The following TOMM20L variants were observed in gnomAD, a reference collection of about 807,000 sequenced individuals.
TOMM20L encodes TOMM20-like protein 1.
Under a neutral mutation model 20.4 loss-of-function variants are expected in TOMM20L, and 19 were observed. The ratio of observed to expected loss-of-function variants is 0.93; its 90% CI spans 0.65 to 1.36. The LOEUF (loss-of-function observed/expected upper bound fraction) is 1.36. Ranked by LOEUF, TOMM20L falls within the 40% of genes most tolerant of loss-of-function variation. TOMM20L has a pLI of 0.00. For synonymous variants in TOMM20L, 75 were observed against 79.6 expected (o/e 0.94, Z 0.30); for missense variants, 218 against 203.7 (o/e 1.07, Z -0.43).
At chr14:58,404,117 A>ATTTTT (rs1198718876) in intron 3 of TOMM20L, among the ~76,000 whole-genome samples, 6 of 13,456 alleles carry the variant, frequency 4.5e-4, no homozygotes, top group African/African-American at 6.4e-4. Context: ...ATATATATAT[A>ATTTTT]TATTTTTTTT....
At chr14:58,407,832 C>T (rs1223801776) in intron 4 of TOMM20L, among the ~76,000 whole-genome samples, 1 of 152,146 alleles carries the variant, frequency 6.6e-6, no homozygotes, top group South Asian at 2.1e-4. Context: ...CATTCATAAG[C>T]CAGTTGATTA....
intron 3 of TOMM20L, among the ~76,000 whole-genome samples, chr14:58,406,947 CTA>C (rs2036067634): frequency 6.6e-6 from 1 of 152,058 alleles, no homozygotes; most frequent in Admixed American, 6.6e-5. Flanking sequence ...GATGTTTCAT[CTA>C]TAATATTTTT....
rs776431882 is a variant in TOMM20L, at chr14:58,407,396, GAA to G, written c.335_336del (p.Lys112SerfsTer12). On this transcript the variant is annotated frameshift_variant, in exon 4 of 5. Coordinates refer to ENST00000360945, the MANE Select transcript of TOMM20L (RefSeq NM_207377.3). LOFTEE classifies it high-confidence loss of function. The part of the protein sequence containing the change: ...LVCEQPRELL[K>X]VFKHTLPPKV... Reference sequence around the variant, plus strand: ...TGTGCGAGCAACCACGGGAACTTCTGAAAGTTTTCAAACACACTCTCCCTCCC... The same window carrying G: ...TGTGCGAGCAACCACGGGAACTTCTGAGTTTTCAAACACACTCTCCCTCCC... 41 of 1,613,794 alleles carry G rather than the reference GAA, an allele frequency of 2.5e-5. No individual in the cohort carries two copies. Among genetic ancestry groups the G allele is most frequent in the Non-Finnish European group, 3.5e-5 (41 of 1,179,942 alleles).
chr14:58,395,966 C>G lies in TOMM20L; in HGVS notation c.9C>G (p.Ser3=), dbSNP rs377328136. ...GGGACGCCCGCGGTCGGATGCCCTC[C>G]GTCCGCTCCCTCCTCCGCCTCTTGG... The part of the protein sequence containing the change: MP[S]VRSLLRLLAA... The change falls in exon 1 of 5, where the codon TCC becomes TCG. Residue 3 remains serine (S), a synonymous_variant. Coordinates refer to ENST00000360945, the MANE Select transcript of TOMM20L (RefSeq NM_207377.3). 6.9e-7 allele frequency: 1 copy of G among 1,441,710 alleles called. No homozygotes were observed. Among genetic ancestry groups the G allele is most frequent in the East Asian group, 2.9e-5 (1 of 35,006 alleles). The allele number at this position is 1,441,710 out of a possible 1,614,324, so 89.3% of individuals were successfully genotyped here.
chr14:58,397,766 T>G (rs946258945), intron 2 of TOMM20L, among the ~76,000 whole-genome samples: 39 of 152,200 alleles, frequency 2.6e-4, no homozygotes, highest in East Asian at 3.9e-4. Flanking sequence ...GGAACTGAGA[T>G]TCAATGGAGG....
At chr14:58,401,309 C>T (rs4901855) in intron 2 of TOMM20L, among the ~76,000 whole-genome samples, 148,745 of 152,244 alleles carry the variant, frequency 0.98, 72,755 homozygotes, top group Non-Finnish European at 1. Flanking sequence ...TGGTGGCTCA[C>T]GCCTGTAATC....
downstream of TOMM20L, chr14:58,410,842 C>T (rs1219686250): frequency 6.2e-7 from 1 of 1,602,844 alleles, no homozygotes; most frequent in African/African-American, 1.3e-5. Flanking sequence ...ACTTTTCATA[C>T]CTCTTCAGGT....
intron 1 of TOMM20L, 66 bp downstream of exon 1, chr14:58,396,159 GC>G: frequency 7.6e-7 from 1 of 1,310,006 alleles, no homozygotes; most frequent in South Asian, 2.4e-5. Flanking sequence ...GGCCGGGAGG[GC>G]CCCCCACTGA....
the TOMM20L span, among the ~76,000 whole-genome samples, chr14:58,414,005 T>C: frequency 9.2e-4 from 1 of 1,084 alleles, no homozygotes; most frequent in Admixed American, 0.033. Flanking sequence ...AGATTCCGTC[T>C]CAGAAAAAAA....
chr14:58,407,766 T>TA (rs2036084310), intron 4 of TOMM20L, among the ~76,000 whole-genome samples: 1 of 152,218 alleles, frequency 6.6e-6, no homozygotes, highest in African/African-American at 2.4e-5. Context: ...AATTTAAACA[T>TA]ACAGGCTAAT....
At chr14:58,409,089 A>G (rs746625603), downstream of TOMM20L, 2 of 1,614,054 alleles carry the variant, frequency 1.2e-6, no homozygotes, top group South Asian at 1.1e-5. Flanking sequence ...ATTCTGCTGA[A>G]TATGATATTC....
At chr14:58,400,746 C>T (rs1041978656) in intron 2 of TOMM20L, among the ~76,000 whole-genome samples, 1 of 151,918 alleles carries the variant, frequency 6.6e-6, no homozygotes, top group Admixed American at 6.6e-5. Flanking sequence ...GGCATAGTGG[C>T]GTGCACCTGT....
chr14:58,407,571 T>G, intron 4 of TOMM20L, 103 bp downstream of exon 4: 1 of 1,298,540 alleles, frequency 7.7e-7, no homozygotes, highest in Non-Finnish European at 1.0e-6. Context: ...TTGCCCAAAA[T>G]CTTAAATAAG....
intron 2 of TOMM20L, among the ~76,000 whole-genome samples, chr14:58,401,905 C>A (rs2140301961): frequency 6.6e-6 from 1 of 152,260 alleles, no homozygotes; most frequent in East Asian, 1.9e-4. Flanking sequence ...GAAGGCTTAG[C>A]ATAGTTTTTT....
At chr14:58,402,817 T>A in intron 3 of TOMM20L, 56 bp downstream of exon 3, 1 of 1,289,970 alleles carries the variant, frequency 7.8e-7, no homozygotes, top group Non-Finnish European at 1.1e-6. Flanking sequence ...GAGAAATATT[T>A]ATTGATTAGT....
At chr14:58,416,120 C>T in the TOMM20L span, among the ~76,000 whole-genome samples, 1 of 151,488 alleles carries the variant, frequency 6.6e-6, no homozygotes, top group African/African-American at 2.4e-5. Flanking sequence ...CCCAGCTACT[C>T]AGGTGGCTGA....
downstream of TOMM20L, chr14:58,410,965 G>A (rs1335509125): frequency 6.5e-7 from 1 of 1,537,672 alleles, no homozygotes; most frequent in Non-Finnish European, 8.8e-7. Flanking sequence ...ATGTTCTTTA[G>A]TATTTGGTTT....
intron 2 of TOMM20L, among the ~76,000 whole-genome samples, chr14:58,399,990 G>A (rs1358062202): frequency 7.2e-6 from 1 of 139,616 alleles, no homozygotes; most frequent in African/African-American, 2.7e-5. Flanking sequence ...TTTTACCCAG[G>A]TTATTGTAAT....
intron 3 of TOMM20L, among the ~76,000 whole-genome samples, chr14:58,405,093 T>C (rs2036041551): frequency 6.6e-6 from 1 of 151,850 alleles, no homozygotes; most frequent in South Asian, 2.1e-4. Context: ...CTCAGCCTCC[T>C]AAGTAGCTGG....
Sources: gnomAD v4.1 joint callset for allele counts (sites outside exome capture counted in the v4.1 genomes callset) on GRCh38, gnomAD v4.1.1 for gene constraint, MANE v1.5 for transcripts, NCBI Gene and HGNC (gene_info 2026-07-23, HGNC 2026-07-21) for gene names.